The following MTBP variants were observed in gnomAD, a reference collection of about 807,000 sequenced individuals.
The protein encoded by MTBP is mdm2-binding protein.
In MTBP, 101 loss-of-function variants were observed where a neutral mutation model predicts 117.0. The ratio of observed to expected loss-of-function variants is 0.86; its 90% CI spans 0.73 to 1.02. The LOEUF (loss-of-function observed/expected upper bound fraction) is 1.02. MTBP is among the 50% of genes least tolerant of loss of function. The probability of loss-of-function intolerance (pLI) is 0.00; values close to 1 mark genes in which losing one functional copy is unlikely to be tolerated. For synonymous variants in MTBP, 350 were observed against 351.5 expected (o/e 1.00, Z 0.05); for missense variants, 970 against 1,030.9 (o/e 0.94, Z 0.81).
intron 16 of MTBP, among the ~76,000 whole-genome samples, chr8:120,509,613 CA>C (rs1467618645): frequency 1.3e-5 from 2 of 151,732 alleles, no homozygotes; most frequent in Non-Finnish European, 2.9e-5. Flanking sequence ...ACCGCCCCCC[CA>C]AAAAAAGAAA....
intron 1 of MTBP, 87 bp downstream of exon 1, chr8:120,445,675 A>T: frequency 9.4e-7 from 1 of 1,069,130 alleles, no homozygotes; most frequent in Non-Finnish European, 1.4e-6. Flanking sequence ...CTGAAGAGGG[A>T]TCAATATGTA....
At chr8:120,481,908 T>C (rs1814092867) in intron 11 of MTBP, among the ~76,000 whole-genome samples, 1 of 152,234 alleles carries the variant, frequency 6.6e-6, no homozygotes, top group Admixed American at 6.5e-5. Context: ...TAACACCAGC[T>C]ACAAATTAGA....
At chr8:120,465,611 T>A (rs1813668790) in intron 10 of MTBP, among the ~76,000 whole-genome samples, 1 of 151,786 alleles carries the variant, frequency 6.6e-6, no homozygotes, top group Non-Finnish European at 1.5e-5. Flanking sequence ...TATGATGAAA[T>A]TTATAGAAAT....
intron 11 of MTBP, among the ~76,000 whole-genome samples, chr8:120,482,723 G>A (rs925215080): frequency 2.0e-5 from 3 of 148,568 alleles, no homozygotes; most frequent in African/African-American, 2.5e-5. Context: ...TTTTTGAGAC[G>A]GAGTCTTGCT....
Position 120,488,186 on chromosome 8 carries a change from G to A in MTBP, c.1193G>A (p.Cys398Tyr), listed in dbSNP as rs765135052. 3.8e-6 allele frequency: 6 copies of A among 1,586,884 alleles called. No homozygotes were observed. In the African/African-American group the frequency reaches 5.5e-5, roughly 14 times the overall value. ...SVPDVEVKGE[C>Y]SSYYLLLQGN... Reference sequence around the variant, plus strand: ...CCAGATGTTGAAGTGAAAGGAGAGTGTTCTAGCTATTATCTCTTGTTACAA... The same window carrying A: ...CCAGATGTTGAAGTGAAAGGAGAGTATTCTAGCTATTATCTCTTGTTACAA... Residue 398 changes from cysteine to tyrosine, a missense_variant, in exon 12 of 22, where the codon TGT becomes TAT. Transcript: ENST00000305949.
At chr8:120,447,517 C>A (rs989657763) in intron 2 of MTBP, among the ~76,000 whole-genome samples, 5 of 152,034 alleles carry the variant, frequency 3.3e-5, no homozygotes, top group Admixed American at 2.0e-4. Context: ...TTACTTCCCC[C>A]TTGCGTGTTT....
chr8:120,505,455 G>A (rs1278904048), intron 15 of MTBP, among the ~76,000 whole-genome samples: 2 of 152,094 alleles, frequency 1.3e-5, no homozygotes, highest in African/African-American at 2.4e-5. Context: ...GAGAGAATTT[G>A]AGTGTTTTGT....
rs201014910 is a variant in MTBP, at chr8:120,488,206, T to C, written c.1213T>C (p.Leu405=). 6.3e-7 allele frequency: 1 copy of C among 1,595,272 alleles called. No homozygotes were observed. Among genetic ancestry groups the C allele is most frequent in the East Asian group, 2.3e-5 (1 of 43,530 alleles). ...KGECSSYYLL[L]QGNGNRRCKA... Reference sequence around the variant, plus strand: ...AGAGTGTTCTAGCTATTATCTCTTGTTACAAGGTAATGGCAATAGAAGATG... The same window carrying C: ...AGAGTGTTCTAGCTATTATCTCTTGCTACAAGGTAATGGCAATAGAAGATG... The change falls in exon 12 of 22, where the codon TTA becomes CTA. Residue 405 remains leucine, a synonymous_variant. Coordinates refer to ENST00000305949, the MANE Select transcript of MTBP (RefSeq NM_022045.5).
intron 17 of MTBP, among the ~76,000 whole-genome samples, chr8:120,513,141 C>T (rs1430089955): frequency 6.6e-6 from 1 of 152,042 alleles, no homozygotes; most frequent in African/African-American, 2.4e-5. Context: ...TTTTATTAAA[C>T]AGCTAATTAA....
intron 9 of MTBP, among the ~76,000 whole-genome samples, chr8:120,461,596 T>C (rs1050950716): frequency 2.6e-5 from 4 of 152,196 alleles, no homozygotes; most frequent in African/African-American, 9.7e-5. Flanking sequence ...AATGCAATTA[T>C]AATGTTCTCT....
At chr8:120,509,563 CT>C (rs1814757108) in intron 16 of MTBP, among the ~76,000 whole-genome samples, 1 of 152,148 alleles carries the variant, frequency 6.6e-6, no homozygotes, top group African/African-American at 2.4e-5. Flanking sequence ...GATTACACCA[CT>C]ACACCCCAGC....
chr8:120,446,013 CAA>C (rs1306981124), intron 1 of MTBP, among the ~76,000 whole-genome samples: 16 of 152,142 alleles, frequency 1.1e-4, no homozygotes, highest in Non-Finnish European at 1.6e-4. Flanking sequence ...GTTTTAAAAA[CAA>C]ATGATGAATT....
rs1403810127 is a variant in MTBP at position 120,516,153 on chromosome 8, G to A, written c.2208G>A (p.Arg736=). The A allele has an allele frequency of 6.2e-7, 1 of 1,612,252 alleles. No homozygotes were observed. The highest frequency in any genetic ancestry group is 8.5e-7 in the Non-Finnish European group (1 of 1,178,768). ...ELRTEVSRLK[R]RSKDLNCLYP... ...GAACTGAAGTATCCCGATTGAAACGGAGATCTAAAGATCTGAATTGCCTTT... is the reference window on the plus strand; with the variant it reads ...GAACTGAAGTATCCCGATTGAAACGAAGATCTAAAGATCTGAATTGCCTTT... Residue 736 remains arginine, a synonymous_variant, in exon 18 of 22, where the codon CGG becomes CGA. Transcript: ENST00000305949.
At chr8:120,448,120 CAG>C (rs1813265735) in intron 2 of MTBP, among the ~76,000 whole-genome samples, 1 of 152,116 alleles carries the variant, frequency 6.6e-6, no homozygotes, top group South Asian at 2.1e-4. Context: ...TTTGTAGAGA[CAG>C]GGTTTCATTA....
In MTBP at chr8:120,488,298, A is replaced by G. The variant is rs776221645; in HGVS notation, c.1305A>G (p.Gly435=). 1.3e-6 allele frequency: 2 copies of G among 1,563,380 alleles called. No homozygotes were observed. The highest frequency in any genetic ancestry group is 1.7e-6 in the Non-Finnish European group (2 of 1,162,200). The change falls in exon 12 of 22, where the codon GGA becomes GGG. Residue 435 remains glycine, a synonymous_variant. Coordinates refer to ENST00000305949, the MANE Select transcript of MTBP (RefSeq NM_022045.5). The part of the protein sequence containing the change: ...NGSFALNLIH[G]KMKTKTEEAK... Reference sequence around the variant, plus strand: ...CATTTGCACTCAATTTAATTCATGGAAAGATGAAAACAAAGACAGAAGAAG... The same window carrying G: ...CATTTGCACTCAATTTAATTCATGGGAAGATGAAAACAAAGACAGAAGAAG...
intron 11 of MTBP, among the ~76,000 whole-genome samples, chr8:120,475,114 T>A (rs1158259144): frequency 6.6e-6 from 1 of 151,244 alleles, no homozygotes; most frequent in Non-Finnish European, 1.5e-5. Flanking sequence ...ACAGGTTTAG[T>A]TTTTCCCCCA....
chr8:120,468,150 A>G (rs1813738605), intron 10 of MTBP, among the ~76,000 whole-genome samples: 1 of 152,146 alleles, frequency 6.6e-6, no homozygotes, highest in Non-Finnish European at 1.5e-5. Context: ...TCTATTGCTA[A>G]ATATTTTTAT....
intron 2 of MTBP, among the ~76,000 whole-genome samples, chr8:120,448,498 G>A (rs990369811): frequency 1.8e-4 from 27 of 152,096 alleles, no homozygotes; most frequent in Non-Finnish European, 3.7e-4. Flanking sequence ...TTTACACTGG[G>A]AAACCAGAAG....
intron 15 of MTBP, among the ~76,000 whole-genome samples, chr8:120,504,142 G>C (rs1338713741): frequency 6.6e-6 from 1 of 152,104 alleles, no homozygotes; most frequent in Non-Finnish European, 1.5e-5. Context: ...AAAAGAAATG[G>C]AGGCTAAGAC....
Sources: gnomAD v4.1 joint callset for allele counts (sites outside exome capture counted in the v4.1 genomes callset) on GRCh38, gnomAD v4.1.1 for gene constraint, MANE v1.5 for transcripts, NCBI Gene and HGNC (gene_info 2026-07-23, HGNC 2026-07-21) for gene names.